Variants in GPI observed in about 807,000 individuals in gnomAD.
GPI encodes glucose-6-phosphate isomerase, also known as D-hexose-6-phosphate anomerase.
Under a neutral mutation model 75.8 loss-of-function variants are expected in GPI, and 56 were observed. The ratio of observed to expected loss-of-function variants is 0.74; its 90% CI spans 0.60 to 0.92. The LOEUF (loss-of-function observed/expected upper bound fraction) is 0.92. Among genes scored for constraint, GPI ranks in the 40% least tolerant of loss-of-function variants. The pLI is 0.00. For missense variants in GPI, 638 were observed against 741.0 expected, an observed-to-expected ratio of 0.86 and a Z score of 1.61; for synonymous variants, 288 against 285.4, an observed-to-expected ratio of 1.01 and a Z score of -0.09.
chr19:34,371,839 A>T (rs545499567), intron 4 of GPI, among the ~76,000 whole-genome samples: 1 of 150,244 alleles, frequency 6.7e-6, no homozygotes, highest in African/African-American at 2.4e-5. Context: ...TGGGCAACAG[A>T]GTGAGACTTT....
At chr19:34,363,571 C>T (rs1310854882), upstream of GPI, among the ~76,000 whole-genome samples, 2 of 152,184 alleles carry the variant, frequency 1.3e-5, no homozygotes, top group Non-Finnish European at 1.5e-5. Flanking sequence ...CCTGTAATCC[C>T]AGCACTTTGG....
At chr19:34,383,099 C>A (rs543901992) in intron 9 of GPI, among the ~76,000 whole-genome samples, 181 of 152,246 alleles carry the variant, frequency 1.2e-3, no homozygotes, top group African/African-American at 4.2e-3. Flanking sequence ...AGAGGTAATT[C>A]TTGGTCCGCC....
At chr19:34,377,683 C>T in intron 5 of GPI, 52 bp from the exon 6 acceptor site, 2 of 1,606,506 alleles carry the variant, frequency 1.2e-6, no homozygotes, top group Non-Finnish European at 8.5e-7. Flanking sequence ...TGGCTGTCTC[C>T]ACTTTTCGTG....
chr19:34,379,299 G>A (rs2074603791), intron 7 of GPI, among the ~76,000 whole-genome samples: 1 of 152,176 alleles, frequency 6.6e-6, no homozygotes, highest in African/African-American at 2.4e-5. Context: ...GGGGAGGGAC[G>A]TCCCTGAGCC....
chr19:34,390,242 G>A (rs2145404766), intron 9 of GPI, among the ~76,000 whole-genome samples: 1 of 144,658 alleles, frequency 6.9e-6, no homozygotes, highest in Non-Finnish European at 1.5e-5. Context: ...GCACAAGTAT[G>A]AGGCACTGGG....
At chr19:34,365,678 G>A in intron 1 of GPI, 1 of 590,366 alleles carries the variant, frequency 1.7e-6, no homozygotes, top group Non-Finnish European at 3.2e-6. Context: ...TGCAGCTCTG[G>A]CCATTTGAGC....
At chr19:34,379,636 A>G in intron 8 of GPI, 74 bp downstream of exon 8, 2 of 1,242,920 alleles carry the variant, frequency 1.6e-6, no homozygotes, top group Non-Finnish European at 2.4e-6. Context: ...CCTCTCAGAG[A>G]CGCGGTTCGT....
In GPI at chr19:34,393,844, T is replaced by TC; in HGVS notation, c.910-65dup. The TC allele has an allele frequency of 6.2e-7, 1 of 1,601,696 alleles. No individual in the cohort carries two copies. Among genetic ancestry groups the TC allele is most frequent in the Non-Finnish European group, 8.5e-7 (1 of 1,170,074 alleles). On this transcript the variant is annotated intron_variant, in intron 11 of 17. Coordinates refer to ENST00000356487, the MANE Select transcript of GPI (RefSeq NM_000175.5). This position sits in a 1 kb window ranked among gnomAD's most constrained non-coding sequence, Gnocchi z 4.4. ...GTGTTGGTCCTGGTCCCCCGCTTTC[T>TC]CCCCCACTGTCCTGTCCCTCCCCTC...
intron 12 of GPI, among the ~76,000 whole-genome samples, chr19:34,395,370 A>G (rs1295874067): frequency 6.6e-6 from 1 of 151,936 alleles, no homozygotes; most frequent in Non-Finnish European, 1.5e-5. Context: ...GTCTCTACAA[A>G]AAAAACCCAC....
rs745653788 is a variant in GPI, at chr19:34,385,032, C to CAA, written c.804+3532_804+3533dup. ...GCCTGGGTGACAGTGAGACTATCTC[C>CAA]AAAAAAAAAAAAAAAAAAAAGCGGG... On this transcript the variant is annotated intron_variant, in intron 9 of 17. Coordinates refer to ENST00000356487, the MANE Select transcript of GPI (RefSeq NM_000175.5). 2.5e-3 allele frequency among the ~76,000 whole-genome samples: 162 copies of CAA among 64,614 alleles called. 2 individuals carry two copies. Among genetic ancestry groups the CAA allele is most frequent in the African/African-American group, 8.2e-3 (144 of 17,606 alleles). 42.4% of individuals were successfully genotyped at this position (64,614 alleles called of 152,430 possible). A position where few individuals can be genotyped will look rare whatever the true frequency, so the allele number is the denominator to read the frequency against.
At chr19:34,367,617 A>T (rs1473882105) in intron 3 of GPI, among the ~76,000 whole-genome samples, 2 of 152,236 alleles carry the variant, frequency 1.3e-5, no homozygotes, top group South Asian at 2.1e-4. Context: ...TCCCAAGATG[A>T]TCCTTTTCCT....
At chr19:34,369,166 A>G (rs2074412870) in intron 4 of GPI, among the ~76,000 whole-genome samples, 1 of 151,036 alleles carries the variant, frequency 6.6e-6, no homozygotes, top group South Asian at 2.1e-4. Flanking sequence ...CTCCTACCTC[A>G]GCCTCCCGAG....
chr19:34,395,279 A>C (rs1261429572), intron 12 of GPI, among the ~76,000 whole-genome samples: 1 of 151,638 alleles, frequency 6.6e-6, no homozygotes, highest in East Asian at 2.0e-4. Flanking sequence ...CTGCAATCCC[A>C]GCACCTTGGG....
chr19:34,390,645 G>A (rs1265460313), intron 9 of GPI, among the ~76,000 whole-genome samples: 2 of 151,140 alleles, frequency 1.3e-5, no homozygotes, highest in African/African-American at 4.9e-5. Context: ...GTCTGAGGAG[G>A]TAACATCTAG....
At chr19:34,390,574 G>A (rs1248160853) in intron 9 of GPI, among the ~76,000 whole-genome samples, 1 of 152,130 alleles carries the variant, frequency 6.6e-6, no homozygotes, top group Non-Finnish European at 1.5e-5. Context: ...GAGGCCCTGG[G>A]TCTGCTGGTG....
intron 14 of GPI, chr19:34,397,914 T>C (rs1421020976): frequency 6.6e-6 from 1 of 151,660 alleles, no homozygotes; most frequent in African/African-American, 2.4e-5. Flanking sequence ...AGAGATAGCA[T>C]GTCACTCTGT....
chr19:34,391,383 A>G (rs781603467), intron 9 of GPI, among the ~76,000 whole-genome samples: 65 of 3,222 alleles, frequency 0.02, 1 homozygote, highest in Non-Finnish European at 0.022. Flanking sequence ...GTCTGTCAAT[A>G]TCAGAGGAGG....
At chr19:34,379,483 G>A in intron 7 of GPI, 35 bp from the exon 8 acceptor site, 1 of 1,605,718 alleles carries the variant, frequency 6.2e-7, no homozygotes, top group Middle Eastern at 1.7e-4. Context: ...TGTCTCCCTG[G>A]GCTGGCTGTG....
chr19:34,393,054 T>C lies in GPI; in HGVS notation c.805-194T>C. The C allele has an allele frequency of 1.6e-6, 1 of 638,180 alleles. No individual in the cohort carries two copies. The highest frequency in any genetic ancestry group is 2.2e-5 in the Admixed American group (1 of 44,462). The allele number at this position is 638,180 out of a possible 1,614,324, so 39.5% of individuals were successfully genotyped here. A position where few individuals can be genotyped will look rare whatever the true frequency, so the allele number is the denominator to read the frequency against. ...TCTTCAGTTTGTCTTGTGGCTGTGG[T>C]CAGTCATCTGTAGTCTGCCCTGTTG... On this transcript the variant is annotated intron_variant, in intron 9 of 17. Coordinates refer to ENST00000356487, the MANE Select transcript of GPI (RefSeq NM_000175.5). The surrounding 1 kb of genome is among the most constrained non-coding windows in gnomAD (Gnocchi z 4.4).
Sources: gnomAD v4.1 joint callset for allele counts (sites outside exome capture counted in the v4.1 genomes callset) on GRCh38, gnomAD v4.1.1 for gene constraint, Gnocchi (gnomAD v3.1) non-coding constraint, MANE v1.5 for transcripts, NCBI Gene and HGNC (gene_info 2026-07-23, HGNC 2026-07-21) for gene names.